Variants in PDE4D observed in about 807,000 individuals in gnomAD.
PDE4D encodes phosphodiesterase 4D, also known as 3',5'-cyclic-AMP phosphodiesterase 4D.
A neutral mutation model predicts 87.4 loss-of-function variants in PDE4D; 24 were observed. That is an observed-to-expected ratio of 0.27 (90% CI 0.20 to 0.39). The LOEUF (loss-of-function observed/expected upper bound fraction) is 0.39, where lower values mean the gene tolerates loss of function less well. Among genes scored for constraint, PDE4D ranks in the 10% least tolerant of loss-of-function variants. The probability of loss-of-function intolerance (pLI) is 1.00; values close to 1 mark genes in which losing one functional copy is unlikely to be tolerated. For missense variants in PDE4D, 714 were observed against 1,041.0 expected (o/e 0.69, Z 4.32); for synonymous variants, 384 against 383.2 (o/e 1.00, Z -0.02).
intron 1 of PDE4D, among the ~76,000 whole-genome samples, chr5:59,756,773 C>T (rs1006735534): frequency 5.3e-5 from 8 of 150,424 alleles, no homozygotes; most frequent in African/African-American, 1.5e-4. Flanking sequence ...TGTACCTTCA[C>T]AGTGGATACA....
chr5:60,307,747 A>G (rs1031808083), intron 1 of PDE4D, among the ~76,000 whole-genome samples: 2 of 152,142 alleles, frequency 1.3e-5, no homozygotes, highest in Admixed American at 6.6e-5. Context: ...TTTGCTATGA[A>G]AAGTAATGGC....
At chr5:59,736,809 A>G (rs929175869) in intron 1 of PDE4D, among the ~76,000 whole-genome samples, 59 of 152,342 alleles carry the variant, frequency 3.9e-4, no homozygotes, top group African/African-American at 1.3e-3. Context: ...TAACTATACC[A>G]GTAAACACCT....
At chr5:60,044,093 A>G (rs1768865680) in intron 2 of PDE4D, among the ~76,000 whole-genome samples, 1 of 151,456 alleles carries the variant, frequency 6.6e-6, no homozygotes, top group South Asian at 2.1e-4. Context: ...CTAGGTGTGG[A>G]CTTTTTTTTT....
At chr5:60,059,895 A>G (rs1472741690) in intron 2 of PDE4D, among the ~76,000 whole-genome samples, 3 of 152,034 alleles carry the variant, frequency 2.0e-5, no homozygotes, top group African/African-American at 7.2e-5. Context: ...GATCCCCCCC[A>G]GGAAAACTGT....
intron 1 of PDE4D, among the ~76,000 whole-genome samples, chr5:59,683,887 T>C (rs1182246689): frequency 6.6e-6 from 1 of 152,222 alleles, no homozygotes; most frequent in Non-Finnish European, 1.5e-5. Context: ...CTGGCCCACA[T>C]GACTCTGAGA....
At chr5:58,999,695 C>A in intron 6 of PDE4D, 15 of 1,086,134 alleles carry the variant, frequency 1.4e-5, no homozygotes, top group Non-Finnish European at 1.7e-5. Flanking sequence ...AAGAAAGCCT[C>A]GCATTAAATC....
intron 1 of PDE4D, among the ~76,000 whole-genome samples, chr5:59,361,145 T>C (rs1782158182): frequency 2.0e-5 from 3 of 152,116 alleles, no homozygotes; most frequent in Non-Finnish European, 1.5e-5. Context: ...TAAAGCTTTG[T>C]TGGATAAAGC....
chr5:59,733,762 TCA>T (rs1230084045), intron 1 of PDE4D, among the ~76,000 whole-genome samples: 1 of 152,116 alleles, frequency 6.6e-6, no homozygotes, highest in African/African-American at 2.4e-5. Context: ...CCCTTCTTCT[TCA>T]CAGTCTTTAA....
At chr5:59,926,073 C>T (rs548874574) in intron 3 of PDE4D, among the ~76,000 whole-genome samples, 1 of 151,982 alleles carries the variant, frequency 6.6e-6, no homozygotes, top group African/African-American at 2.4e-5. Context: ...TATTTTTTTC[C>T]TCAGCACATG....
chr5:59,518,332 C>A (rs555498984), intron 1 of PDE4D, among the ~76,000 whole-genome samples: 1 of 151,794 alleles, frequency 6.6e-6, no homozygotes, highest in African/African-American at 2.4e-5. Flanking sequence ...AAAGCACGCT[C>A]GAGTATTTTT....
intron 1 of PDE4D, among the ~76,000 whole-genome samples, chr5:59,416,765 C>T (rs1562146811): frequency 6.6e-6 from 1 of 152,154 alleles, no homozygotes; most frequent in East Asian, 1.9e-4. Flanking sequence ...TTCACATCTA[C>T]TTGCAAGCTA....
At chr5:60,325,986 T>C (rs1470049322) in intron 1 of PDE4D, among the ~76,000 whole-genome samples, 1 of 152,178 alleles carries the variant, frequency 6.6e-6, no homozygotes, top group African/African-American at 2.4e-5. Context: ...GATCATTGTA[T>C]GTATCAGTAG....
chr5:59,807,525 G>A (rs548792976), intron 1 of PDE4D, among the ~76,000 whole-genome samples: 1 of 152,296 alleles, frequency 6.6e-6, no homozygotes, highest in South Asian at 2.1e-4. Flanking sequence ...GAGGTGCTTC[G>A]TGGTTCCAGA....
chr5:60,021,709 C>A (rs1766081236), intron 2 of PDE4D: 1 of 152,144 alleles, frequency 6.6e-6, no homozygotes, highest in Non-Finnish European at 1.5e-5. Context: ...ACTAAATACA[C>A]TAAGAATATT....
chr5:60,303,274 T>C (rs1482921895), intron 1 of PDE4D, among the ~76,000 whole-genome samples: 1 of 152,038 alleles, frequency 6.6e-6, no homozygotes, highest in East Asian at 1.9e-4. Flanking sequence ...GGTTGTTCAA[T>C]TGCCATGTAA....
intron 5 of PDE4D, among the ~76,000 whole-genome samples, chr5:59,176,534 G>A (rs796277645): frequency 1.0e-4 from 15 of 149,212 alleles, no homozygotes; most frequent in African/African-American, 2.7e-4. Context: ...CAGCCTGGGC[G>A]ATAAGAGCAA....
intron 2 of PDE4D, among the ~76,000 whole-genome samples, chr5:60,137,054 T>C (rs886614698): frequency 1.3e-5 from 2 of 152,162 alleles, no homozygotes; most frequent in Admixed American, 1.3e-4. Flanking sequence ...AGTGAGAACA[T>C]GTGGTATTTG....
At chr5:59,499,242 C>T (rs1314178069) in intron 1 of PDE4D, among the ~76,000 whole-genome samples, 1 of 150,716 alleles carries the variant, frequency 6.6e-6, no homozygotes, top group East Asian at 1.9e-4. Context: ...TACAACATAC[C>T]AAAACCTCTA....
intron 1 of PDE4D, among the ~76,000 whole-genome samples, chr5:59,398,563 T>C (rs1410486191): frequency 8.4e-6 from 1 of 119,360 alleles, no homozygotes; most frequent in African/African-American, 3.4e-5. Flanking sequence ...ATAAATTAGG[T>C]ATTGATGGGA....
Sources: allele counts gnomAD v4.1 joint callset (sites outside exome capture counted in the v4.1 genomes callset), GRCh38; gene constraint gnomAD v4.1.1; transcripts MANE v1.5; gene names NCBI Gene and HGNC (gene_info 2026-07-23, HGNC 2026-07-21).